Variants in CUX1 observed in about 807,000 individuals in gnomAD.
CUX1 encodes protein CASP.
A neutral mutation model predicts 158.8 loss-of-function variants in CUX1; 31 were observed. The observed-to-expected ratio is 0.20, with a 90% CI of 0.15 to 0.26. The LOEUF (loss-of-function observed/expected upper bound fraction) is 0.26. Among genes scored for constraint, CUX1 ranks in the 10% least tolerant of loss-of-function variants. CUX1 has a pLI of 1.00. For synonymous variants in CUX1, 879 were observed against 862.1 expected (o/e 1.02, Z -0.34); for missense variants, 1,589 against 2,014.6 (o/e 0.79, Z 4.04).
chr7:101,828,358 C>T (rs904578886), intron 1 of CUX1, among the ~76,000 whole-genome samples: 1 of 152,102 alleles, frequency 6.6e-6, no homozygotes, highest in Non-Finnish European at 1.5e-5. Flanking sequence ...CAAGAGTCAG[C>T]TATATGTATA....
At chr7:102,220,235 C>T (rs1797673720) in intron 20 of CUX1, among the ~76,000 whole-genome samples, 1 of 152,210 alleles carries the variant, frequency 6.6e-6, no homozygotes, top group Non-Finnish European at 1.5e-5. Flanking sequence ...GTGGCACACA[C>T]CTGTAATCCC....
At chr7:102,278,703 A>G (rs1442027961) in intron 18 of CUX1, among the ~76,000 whole-genome samples, 6 of 147,648 alleles carry the variant, frequency 4.1e-5, no homozygotes, top group Non-Finnish European at 9.0e-5. Flanking sequence ...TAAAATAATA[A>G]AATAGTAAAG....
chr7:101,943,804 CA>C (rs1808020894), intron 2 of CUX1, among the ~76,000 whole-genome samples: 1 of 151,978 alleles, frequency 6.6e-6, no homozygotes. Context: ...GCCACTTAGC[CA>C]TTCCATAAAT....
intron 3 of CUX1, among the ~76,000 whole-genome samples, chr7:102,046,098 T>G (rs903295873): frequency 3.3e-5 from 5 of 152,230 alleles, no homozygotes; most frequent in African/African-American, 1.2e-4. Context: ...TGTGGCAAAG[T>G]TGACTCAAAA....
intron 1 of CUX1, among the ~76,000 whole-genome samples, chr7:101,826,687 C>T (rs1236131312): frequency 6.6e-6 from 1 of 152,084 alleles, no homozygotes; most frequent in Non-Finnish European, 1.5e-5. Flanking sequence ...GAAGGCGGGT[C>T]GGGGAGTGGG....
chr7:102,273,246 A>C, intron 14 of CUX1: 1 of 1,356,548 alleles, frequency 7.4e-7, no homozygotes. Context: ...AATAGCCAGC[A>C]CTCTCACAGC....
chr7:102,270,346 G>A (rs909822521), intron 14 of CUX1, among the ~76,000 whole-genome samples: 25 of 152,168 alleles, frequency 1.6e-4, no homozygotes, highest in Non-Finnish European at 2.1e-4. Flanking sequence ...GTGGAAGCCC[G>A]CACAGCCAGT....
intron 1 of CUX1, among the ~76,000 whole-genome samples, chr7:101,821,812 C>T (rs1163576812): frequency 5.5e-5 from 8 of 145,406 alleles, no homozygotes; most frequent in Non-Finnish European, 1.2e-4. Flanking sequence ...GTAGCTGGGA[C>T]GATAGGCGCC....
intron 7 of CUX1, 50 bp downstream of exon 7, chr7:102,111,824 G>A: frequency 6.4e-7 from 1 of 1,555,274 alleles, no homozygotes; most frequent in Middle Eastern, 1.7e-4. Flanking sequence ...GACCCAGGGG[G>A]AGAGTTGGGT....
intron 8 of CUX1, among the ~76,000 whole-genome samples, chr7:102,146,164 T>C (rs1835001412): frequency 6.6e-6 from 1 of 152,174 alleles, no homozygotes; most frequent in Non-Finnish European, 1.5e-5. Flanking sequence ...CAGCCGCCGA[T>C]GAACCCAGAT....
chr7:101,936,350 G>A (rs568417566), intron 2 of CUX1, among the ~76,000 whole-genome samples: 3 of 152,260 alleles, frequency 2.0e-5, no homozygotes, highest in African/African-American at 7.2e-5. Context: ...TGTGACGGGG[G>A]TGGGGAGAAA....
At chr7:101,961,973 C>T (rs929678016) in intron 2 of CUX1, 1 of 151,424 alleles carries the variant, frequency 6.6e-6, no homozygotes, top group African/African-American at 2.4e-5. Flanking sequence ...AGTATTATTA[C>T]AACTACAAAA....
At chr7:102,136,141 C>A (rs1833873856) in intron 8 of CUX1, among the ~76,000 whole-genome samples, 1 of 151,804 alleles carries the variant, frequency 6.6e-6, no homozygotes, top group Non-Finnish European at 1.5e-5. Context: ...GATTTCTTCC[C>A]CCAACATATA....
chr7:102,063,383 CTT>C (rs11368644), intron 3 of CUX1, among the ~76,000 whole-genome samples: 193 of 89,266 alleles, frequency 2.2e-3, no homozygotes, highest in African/African-American at 7.5e-3. Context: ...ATTTCCTTTT[CTT>C]TTTTTTTTTT....
intron 2 of CUX1, among the ~76,000 whole-genome samples, chr7:101,974,780 A>G (rs1378228715): frequency 1.3e-5 from 2 of 152,156 alleles, no homozygotes; most frequent in East Asian, 1.9e-4. Context: ...TATAGTAGGA[A>G]TTATTTGTGC....
intron 1 of CUX1, among the ~76,000 whole-genome samples, chr7:101,828,959 T>G (rs1445900220): frequency 7.1e-6 from 1 of 141,756 alleles, no homozygotes; most frequent in Non-Finnish European, 1.5e-5. Context: ...TATGGAGGTT[T>G]TGGGGGGCTG....
intron 21 of CUX1, among the ~76,000 whole-genome samples, chr7:102,231,293 G>A (rs1460055544): frequency 6.6e-6 from 1 of 151,444 alleles, no homozygotes; most frequent in Non-Finnish European, 1.5e-5. Context: ...ACCTCCCAAA[G>A]TGCTGGGATT....
At chr7:102,045,100 T>C (rs1367328187) in intron 3 of CUX1, among the ~76,000 whole-genome samples, 1 of 152,204 alleles carries the variant, frequency 6.6e-6, no homozygotes, top group Non-Finnish European at 1.5e-5. Flanking sequence ...ACACAGTGTC[T>C]CCCTGTAAGT....
intron 2 of CUX1, among the ~76,000 whole-genome samples, chr7:101,954,648 T>C (rs1809540282): frequency 6.6e-6 from 1 of 151,208 alleles, no homozygotes; most frequent in African/African-American, 2.4e-5. Context: ...TTCTCTACAG[T>C]GTGCTGGCAT....
Sources: allele counts gnomAD v4.1 joint callset (sites outside exome capture counted in the v4.1 genomes callset), GRCh38; gene constraint gnomAD v4.1.1; transcripts MANE v1.5; gene names NCBI Gene and HGNC (gene_info 2026-07-23, HGNC 2026-07-21).